ATRX: variants seen among roughly 807,000 people sequenced by gnomAD.
ATRX encodes the protein ATRX chromatin remodeler, also known as chromatin remodeler ATRX.
A neutral mutation model predicts 172.6 loss-of-function variants in ATRX; 12 were observed. That is an observed-to-expected ratio of 0.07 (90% CI 0.04 to 0.11). The LOEUF (loss-of-function observed/expected upper bound fraction) is 0.11, where lower values mean the gene tolerates loss of function less well. ATRX is among the 10% of genes least tolerant of loss of function. ATRX has a pLI of 1.00. For missense variants in ATRX, 1,368 were observed against 1,767.4 expected (o/e 0.77, Z 4.05); for synonymous variants, 674 against 594.7 (o/e 1.13, Z -1.94).
intron 27 of ATRX, among the ~76,000 whole-genome samples, chrX:77,587,357 GA>G (rs372536357): frequency 1.5e-3 from 153 of 104,762 alleles, no homozygotes; most frequent in African/African-American, 1.9e-3. Context: ...ATAGAATGGG[GA>G]AAAAAAAAAC....
intron 22 of ATRX, among the ~76,000 whole-genome samples, chrX:77,609,436 T>C (rs151265737): frequency 1.9e-3 from 217 of 112,083 alleles, no homozygotes; most frequent in African/African-American, 6.7e-3. Context: ...TCAAACAACA[T>C]GAAACAGCAC....
At chrX:77,532,198 G>A (rs1350167377) in intron 30 of ATRX, among the ~76,000 whole-genome samples, 2 of 110,705 alleles carry the variant, frequency 1.8e-5, no homozygotes, top group Non-Finnish European at 3.8e-5. Context: ...GTGTGAAAAC[G>A]GCCATACTTC....
intron 30 of ATRX, among the ~76,000 whole-genome samples, chrX:77,555,926 G>C (rs1330969422): frequency 1.8e-5 from 2 of 109,427 alleles, no homozygotes; most frequent in African/African-American, 6.7e-5. Context: ...TGTAATCCCA[G>C]CACTTTGGGA....
chrX:77,775,370 T>C (rs2076311141), intron 1 of ATRX, among the ~76,000 whole-genome samples: 1 of 111,529 alleles, frequency 9.0e-6, no homozygotes, highest in Admixed American at 9.6e-5. Context: ...ATTCATCTCC[T>C]GAGGTTACAG....
In ATRX at chrX:77,663,540, T is replaced by C. The variant is rs1440336962; in HGVS notation, c.3962A>G (p.Asn1321Ser). 9 of 1,208,828 alleles carry C rather than the reference T, an allele frequency of 7.4e-6. No homozygotes were observed. Among genetic ancestry groups the C allele is most frequent in the African/African-American group, 3.5e-5 (2 of 57,738 alleles). The change falls in exon 12 of 35, where the codon AAT becomes AGT. Residue 1321 changes from asparagine (N) to serine (S), a missense_variant. By Grantham distance (46) the Asn-to-Ser change is conservative. Transcript: ENST00000373344. ...TTCAGAATCTGAATCTGATTCAGAATTGACTTGATTTTTTGCTTCTAAATG... is the reference window on the plus strand; with the variant it reads ...TTCAGAATCTGAATCTGATTCAGAACTGACTTGATTTTTTGCTTCTAAATG... ...PGDEEAKNQVNSESDSDSEES... is the reference protein window; with the variant it reads ...PGDEEAKNQVSSESDSDSEES...
At chrX:77,719,269 A>G (rs2073616097) in intron 1 of ATRX, among the ~76,000 whole-genome samples, 1 of 111,236 alleles carries the variant, frequency 9.0e-6, no homozygotes, top group African/African-American at 3.3e-5. Context: ...AGACAACCCT[A>G]TTTTTTAAAT....
At chrX:77,667,878 C>T (rs1235375765) in intron 10 of ATRX, among the ~76,000 whole-genome samples, 1 of 111,681 alleles carries the variant, frequency 9.0e-6, no homozygotes, top group Non-Finnish European at 1.9e-5. Context: ...AACTTCAGGT[C>T]ATTTTTCTCC....
intron 1 of ATRX, among the ~76,000 whole-genome samples, chrX:77,724,381 G>GA (rs1224450483): frequency 1.6e-4 from 16 of 102,054 alleles, no homozygotes; most frequent in East Asian, 9.5e-4. Flanking sequence ...ATTTGAAAAA[G>GA]AAAAAAAAAA....
At chrX:77,762,775 A>G (rs1557193481) in intron 1 of ATRX, among the ~76,000 whole-genome samples, 1 of 111,519 alleles carries the variant, frequency 9.0e-6, no homozygotes. Flanking sequence ...GATGTTAATA[A>G]TATTGGTGTT....
At chrX:77,508,661 G>A (rs1227896032) in intron 34 of ATRX, 32 bp from the exon 35 acceptor site, 4 of 1,202,815 alleles carry the variant, frequency 3.3e-6, no homozygotes, top group African/African-American at 3.5e-5. Context: ...CATTACAAGT[G>A]CATGACCTGT....
At chrX:77,680,821 ATTT>A (rs1382103096) in intron 9 of ATRX, among the ~76,000 whole-genome samples, 1 of 111,604 alleles carries the variant, frequency 9.0e-6, no homozygotes, top group Admixed American at 9.5e-5. Flanking sequence ...ATAAAAACTT[ATTT>A]TTAAAATTAT....
chrX:77,698,000 T>C (rs2072280647), intron 3 of ATRX, among the ~76,000 whole-genome samples: 1 of 111,336 alleles, frequency 9.0e-6, no homozygotes, highest in East Asian at 2.8e-4. Flanking sequence ...TCAAGAGAAG[T>C]AGGGAGTTTC....
chrX:77,543,188 G>A (rs1388943175), intron 30 of ATRX, among the ~76,000 whole-genome samples: 1 of 112,402 alleles, frequency 8.9e-6, no homozygotes, highest in African/African-American at 3.2e-5. Flanking sequence ...CATATATGCA[G>A]CCAACAGACA....
At chrX:77,693,502 G>T (rs978229886) in intron 6 of ATRX, among the ~76,000 whole-genome samples, 4 of 111,876 alleles carry the variant, frequency 3.6e-5, no homozygotes, top group Non-Finnish European at 5.6e-5. Flanking sequence ...CCACAGACAA[G>T]ATTTTGCATG....
intron 9 of ATRX, 102 bp from the exon 10 acceptor site, chrX:77,676,400 T>C (rs2070868089): frequency 1.4e-6 from 1 of 721,378 alleles, no homozygotes; most frequent in Non-Finnish European, 2.1e-6. Flanking sequence ...GCAAACTAAG[T>C]GGGGTCTAAA....
intron 27 of ATRX, among the ~76,000 whole-genome samples, chrX:77,584,874 CA>C (rs2065950606): frequency 9.0e-6 from 1 of 111,199 alleles, no homozygotes; most frequent in African/African-American, 3.3e-5. Context: ...AGAGACAACC[CA>C]CAGGATGGGA....
At chrX:77,746,286 C>T (rs1183779264) in intron 1 of ATRX, among the ~76,000 whole-genome samples, 1 of 110,537 alleles carries the variant, frequency 9.0e-6, no homozygotes, top group Non-Finnish European at 1.9e-5. Context: ...ACAAGTACCC[C>T]CGTAAATTTA....
intron 19 of ATRX, among the ~76,000 whole-genome samples, chrX:77,625,653 C>T (rs1166077481): frequency 8.9e-6 from 1 of 111,886 alleles, no homozygotes; most frequent in African/African-American, 3.2e-5. Flanking sequence ...AAATGCTCAA[C>T]ATCACTAATG....
intron 15 of ATRX, among the ~76,000 whole-genome samples, chrX:77,636,762 C>CAA (rs538959246): frequency 4.8e-4 from 36 of 75,460 alleles, no homozygotes; most frequent in African/African-American, 1.4e-3. Context: ...GTTGCTATGC[C>CAA]AAAAAAAAAA....
Sources: allele counts gnomAD v4.1 joint callset (sites outside exome capture counted in the v4.1 genomes callset), GRCh38; gene constraint gnomAD v4.1.1; transcripts MANE v1.5; gene names NCBI Gene and HGNC (gene_info 2026-07-23, HGNC 2026-07-21).